UBASH3B: variants seen among roughly 807,000 people sequenced by gnomAD.
UBASH3B encodes ubiquitin associated and SH3 domain containing B.
In UBASH3B, 37 loss-of-function variants were observed where a neutral mutation model predicts 83.4. The observed-to-expected ratio is 0.44, with a 90% CI of 0.34 to 0.58. UBASH3B has a LOEUF of 0.58. UBASH3B is among the 20% of genes least tolerant of loss of function. UBASH3B has a pLI of 0.01. For synonymous variants in UBASH3B, 304 were observed against 318.3 expected, an observed-to-expected ratio of 0.96 and a Z score of 0.48; for missense variants, 657 against 827.2, an observed-to-expected ratio of 0.79 and a Z score of 2.52.
chr11:122,773,252 G>C (rs1175324354), intron 1 of UBASH3B, among the ~76,000 whole-genome samples: 1 of 152,236 alleles, frequency 6.6e-6, no homozygotes, highest in East Asian at 1.9e-4. Context: ...TTCCTCAGCA[G>C]AGTGGAGAGG....
At chr11:122,732,821 C>T (rs1362709060) in intron 1 of UBASH3B, among the ~76,000 whole-genome samples, 1 of 152,202 alleles carries the variant, frequency 6.6e-6, no homozygotes, top group Admixed American at 6.5e-5. Flanking sequence ...TTCAAAGGGA[C>T]AGGCAGTGTT....
chr11:122,751,169 G>A (rs1420732894), intron 1 of UBASH3B, among the ~76,000 whole-genome samples: 1 of 152,208 alleles, frequency 6.6e-6, no homozygotes, highest in Non-Finnish European at 1.5e-5. Flanking sequence ...ACAACAAAGA[G>A]CTTTTTAAGT....
chr11:122,793,270 C>T (rs1459562226), intron 6 of UBASH3B, among the ~76,000 whole-genome samples: 1 of 152,164 alleles, frequency 6.6e-6, no homozygotes, highest in African/African-American at 2.4e-5. Flanking sequence ...GTAATCCCAG[C>T]TACTCCAGAG....
intron 1 of UBASH3B, among the ~76,000 whole-genome samples, chr11:122,714,442 A>G (rs988913823): frequency 6.6e-6 from 1 of 152,222 alleles, no homozygotes; most frequent in African/African-American, 2.4e-5. Context: ...GAAGAAGAAC[A>G]CCTTCTGAAC....
rs1247135848 is a variant in UBASH3B at position 122,811,301 on chromosome 11, A to T, written c.*1415A>T. On this transcript the variant is annotated 3_prime_UTR_variant, in exon 14 of 14. Coordinates refer to ENST00000284273, the MANE Select transcript of UBASH3B (RefSeq NM_032873.5). ...AATGCCAGCCCTTTAAAGAGACATT[A>T]GTTAGTGTAAAATGGATCTTTACAT... 1 of 152,644 alleles carries T rather than the reference A, an allele frequency of 6.6e-6. No homozygotes were observed. The highest frequency in any genetic ancestry group is 1.5e-5 in the Non-Finnish European group (1 of 68,050). 9.5% of individuals were successfully genotyped at this position (152,644 alleles called of 1,614,324 possible). A position where few individuals can be genotyped will look rare whatever the true frequency, so the allele number is the denominator to read the frequency against.
chr11:122,729,111 C>G (rs745643675), intron 1 of UBASH3B, among the ~76,000 whole-genome samples: 1 of 152,190 alleles, frequency 6.6e-6, no homozygotes, highest in Non-Finnish European at 1.5e-5. Flanking sequence ...TGCAGGTCTA[C>G]TGTGGCTCAG....
In UBASH3B at chr11:122,797,191, G is replaced by A. The variant is rs894630089; in HGVS notation, c.1357+158G>A. The A allele has an allele frequency of 2.0e-5, 21 of 1,040,094 alleles. No homozygotes were observed. In the African/African-American group the frequency reaches 2.6e-4, roughly 13 times the overall value. The allele number at this position is 1,040,094 out of a possible 1,614,324, so 64.4% of individuals were successfully genotyped here. A position where few individuals can be genotyped will look rare whatever the true frequency, so the allele number is the denominator to read the frequency against. The stretch of plus-strand genomic sequence containing the variant: ...CTTACTACACAACCATTAAGTTTAG[G>A]ACACTGTGCTCAGCCCTGGGTTGGT... On this transcript the variant is annotated intron_variant, in intron 9 of 13. Transcript: ENST00000284273.
chr11:122,750,817 TCTC>T (rs1396990389), intron 1 of UBASH3B, among the ~76,000 whole-genome samples: 4 of 152,188 alleles, frequency 2.6e-5, no homozygotes, highest in African/African-American at 9.7e-5. Context: ...GTCCCCTCCT[TCTC>T]CACCAGGAAG....
chr11:122,707,886 G>A (rs1864143878), intron 1 of UBASH3B, among the ~76,000 whole-genome samples: 1 of 151,924 alleles, frequency 6.6e-6, no homozygotes, highest in Non-Finnish European at 1.5e-5. Context: ...GCAGAGATGG[G>A]GTTTCACCAT....
At chr11:122,670,734 G>C (rs1249492611) in intron 1 of UBASH3B, among the ~76,000 whole-genome samples, 1 of 152,066 alleles carries the variant, frequency 6.6e-6, no homozygotes, top group Non-Finnish European at 1.5e-5. Flanking sequence ...TCAAGACCTA[G>C]ATGGAGCCTA....
chr11:122,685,013 T>C (rs1863791589), intron 1 of UBASH3B, among the ~76,000 whole-genome samples: 1 of 152,224 alleles, frequency 6.6e-6, no homozygotes, highest in African/African-American at 2.4e-5. Flanking sequence ...TTCTGGCTCA[T>C]CAACATATCT....
intron 11 of UBASH3B, among the ~76,000 whole-genome samples, chr11:122,804,796 A>T (rs1861309856): frequency 6.6e-6 from 1 of 152,210 alleles, no homozygotes; most frequent in South Asian, 2.1e-4. Flanking sequence ...GGCACTAAAC[A>T]CCCAGCAGTG....
At position 122,814,417 on chromosome 11, in the gene UBASH3B, G is replaced by C. The variant is rs1170161752; in HGVS notation, c.*4531G>C. 1 of 152,546 alleles carries C rather than the reference G, an allele frequency of 6.6e-6. No homozygotes were observed. Among genetic ancestry groups the C allele is most frequent in the African/African-American group, 2.4e-5 (1 of 41,428 alleles). The allele number at this position is 152,546 out of a possible 1,614,324, so 9.4% of individuals were successfully genotyped here. A position where few individuals can be genotyped will look rare whatever the true frequency, so the allele number is the denominator to read the frequency against. On this transcript the variant is annotated 3_prime_UTR_variant, in exon 14 of 14. Coordinates refer to ENST00000284273, the MANE Select transcript of UBASH3B (RefSeq NM_032873.5). ...TTGTAATTACAGATGCACCTTTCAG[G>C]AGCATCTCCATTAAATGGTTCATAG...
At position 122,806,265 on chromosome 11, in the gene UBASH3B, T is replaced by C. The variant is rs1861338338; in HGVS notation, c.1596-145T>C. 2 of 667,840 alleles carry C rather than the reference T, an allele frequency of 3.0e-6. No homozygotes were observed. The highest frequency in any genetic ancestry group is 5.0e-6 in the Non-Finnish European group (2 of 396,736). 41.4% of individuals were successfully genotyped at this position (667,840 alleles called of 1,614,324 possible). A position where few individuals can be genotyped will look rare whatever the true frequency, so the allele number is the denominator to read the frequency against. ...CATATAGTAGAAATGCTGTTCCCTA[T>C]ACCTTTCTCCTTTCTAGGGAAATGG... is the stretch of plus-strand genomic sequence containing the variant. On this transcript the variant is annotated intron_variant, in intron 11 of 13. Transcript: ENST00000284273. This position sits in a 1 kb window ranked among gnomAD's most constrained non-coding sequence, Gnocchi z 4.0.
intron 1 of UBASH3B, among the ~76,000 whole-genome samples, chr11:122,746,745 A>C (rs530262999): frequency 6.6e-5 from 10 of 152,158 alleles, no homozygotes; most frequent in Non-Finnish European, 1.2e-4. Flanking sequence ...TATTTCATGA[A>C]TAGTTCAGGG....
intron 1 of UBASH3B, among the ~76,000 whole-genome samples, chr11:122,680,608 C>A (rs1375239569): frequency 6.6e-6 from 1 of 152,216 alleles, no homozygotes; most frequent in African/African-American, 2.4e-5. Context: ...GGATTACAGG[C>A]ATGTGCCACC....
intron 1 of UBASH3B, 155 bp from the exon 2 acceptor site, chr11:122,776,064 C>T (rs1325895271): frequency 4.9e-6 from 3 of 613,208 alleles, no homozygotes; most frequent in Non-Finnish European, 8.4e-6. Context: ...TTGATATGAC[C>T]CTTGGGGGAA....
intron 1 of UBASH3B, among the ~76,000 whole-genome samples, chr11:122,715,604 G>A (rs753811066): frequency 5.5e-4 from 84 of 152,146 alleles, no homozygotes; most frequent in Non-Finnish European, 8.4e-4. Context: ...CAGTAATGAC[G>A]GCTCCTCTCC....
intron 1 of UBASH3B, among the ~76,000 whole-genome samples, chr11:122,664,720 G>A (rs1206289621): frequency 6.6e-6 from 1 of 152,192 alleles, no homozygotes; most frequent in East Asian, 1.9e-4. Context: ...TGACGGTGAG[G>A]CCCATGGTGA....
Sources: gnomAD v4.1 joint callset for allele counts (sites outside exome capture counted in the v4.1 genomes callset) on GRCh38, gnomAD v4.1.1 for gene constraint, Gnocchi (gnomAD v3.1) non-coding constraint, MANE v1.5 for transcripts, NCBI Gene and HGNC (gene_info 2026-07-23, HGNC 2026-07-21) for gene names.